SNCAIP: variants seen among roughly 807,000 people sequenced by gnomAD.
The protein encoded by SNCAIP is synuclein alpha interacting protein, also known as synphilin-1.
Under a neutral mutation model 86.7 loss-of-function variants are expected in SNCAIP, and 43 were observed. The ratio of observed to expected loss-of-function variants is 0.50; its 90% CI spans 0.39 to 0.64. The LOEUF (loss-of-function observed/expected upper bound fraction) is 0.64, where lower values mean the gene tolerates loss of function less well. Ranked by LOEUF, SNCAIP falls within the 30% of genes least tolerant of loss-of-function variation. The probability of loss-of-function intolerance (pLI) is 0.00; values close to 1 mark genes in which losing one functional copy is unlikely to be tolerated. For synonymous variants in SNCAIP, 417 were observed against 427.2 expected, an observed-to-expected ratio of 0.98 and a Z score of 0.29; for missense variants, 981 against 1,103.1, an observed-to-expected ratio of 0.89 and a Z score of 1.57.
rs1250584650 is a variant in SNCAIP, at chr5:122,452,859, C to T, written c.2754+1258C>T. On this transcript the variant is annotated intron_variant, in intron 10 of 10. Transcript: ENST00000261368. ...TATCTTCCTGCATGCTTCATGTTTA[C>T]TGGGACTTGTGCATGTGCTGAGCTT... 4.0e-6 allele frequency: 4 copies of T among 990,746 alleles called. No individual in the cohort carries two copies. In the Admixed American group the frequency reaches 8.0e-5, roughly 20 times the overall value. 61.4% of individuals were successfully genotyped at this position (990,746 alleles called of 1,614,324 possible).
In SNCAIP at chr5:122,366,487, C is replaced by T. The variant is rs370040985; in HGVS notation, c.-46-24602C>T. On this transcript the variant is annotated intron_variant, in intron 1 of 10. Transcript: ENST00000261368. ...AAAGGAGCCTAGGAAATATCATTTC[C>T]TGAGAGAATATATCTGAGAGTAAAT... Among the ~76,000 whole-genome samples, 5 of 152,270 alleles carry T rather than the reference C, an allele frequency of 3.3e-5. 1 individual carries two copies. The highest frequency in any genetic ancestry group is 1.3e-4 in the Admixed American group (2 of 15,292).
chr5:122,386,270 A>AT (rs1486994582), intron 1 of SNCAIP, among the ~76,000 whole-genome samples: 1 of 152,078 alleles, frequency 6.6e-6, no homozygotes, highest in Non-Finnish European at 1.5e-5. Context: ...CAAGGAGGCT[A>AT]TTTTTTTAAT....
chr5:122,434,143 G>A lies in SNCAIP; in HGVS notation c.1296+2061G>A, dbSNP rs79656806. Among the ~76,000 whole-genome samples, 1,197 of 152,216 alleles carry A rather than the reference G, an allele frequency of 7.9e-3. 15 individuals are homozygous for A. The highest frequency in any genetic ancestry group is 0.028 in the African/African-American group (1,150 of 41,522). On this transcript the variant is annotated intron_variant, in intron 6 of 10. Transcript: ENST00000261368. The stretch of plus-strand genomic sequence containing the variant: ...CACTGTTCATCTTCCTAATCATTTT[G>A]AGTCTAAAACAAAATTTTATTCAAT...
chr5:122,451,614 T>G lies in SNCAIP; in HGVS notation c.2754+13T>G, dbSNP rs1693318584. 1.3e-6 allele frequency: 2 copies of G among 1,532,834 alleles called. No individual in the cohort carries two copies. Among genetic ancestry groups the G allele is most frequent in the Non-Finnish European group, 1.8e-6 (2 of 1,106,268 alleles). The allele number at this position is 1,532,834 out of a possible 1,614,324, so 95.0% of individuals were successfully genotyped here. On this transcript the variant is annotated intron_variant, in intron 10 of 10. Coordinates refer to ENST00000261368, the MANE Select transcript of SNCAIP (RefSeq NM_005460.4). ...AAAGAATAAGGCAGTAAGTGCTATT[T>G]GGAGAATATTCTTTTTTTTCCTTCA...
In SNCAIP at chr5:122,406,103, G is replaced by C. The variant is rs560952742; in HGVS notation, c.130+2238G>C. 3.3e-5 allele frequency among the ~76,000 whole-genome samples: 5 copies of C among 152,256 alleles called. No individual in the cohort carries two copies. The East Asian group carries it at 7.7e-4, about 24-fold the overall frequency. On this transcript the variant is annotated intron_variant, in intron 3 of 10. Coordinates refer to ENST00000261368, the MANE Select transcript of SNCAIP (RefSeq NM_005460.4). ...TAGATTGAGAGTGATCCTAGAAAAA[G>C]GAACCCACGGAAAAATGTGTCTGCC...
intron 2 of SNCAIP, chr5:122,401,061 G>T (rs1771710653): frequency 6.5e-7 from 1 of 1,550,158 alleles, no homozygotes; most frequent in East Asian, 2.4e-5. Context: ...AATGGGCTTT[G>T]GTTCCCATAG....
intron 1 of SNCAIP, among the ~76,000 whole-genome samples, chr5:122,319,238 AAAAC>A (rs1264706085): frequency 4.6e-5 from 7 of 152,246 alleles, no homozygotes; most frequent in Admixed American, 4.6e-4. Context: ...TATAAAAAAA[AAAAC>A]TATGGAAAAA....
At chr5:122,374,345 C>A (rs376133687) in intron 1 of SNCAIP, among the ~76,000 whole-genome samples, 3 of 152,174 alleles carry the variant, frequency 2.0e-5, no homozygotes, top group African/African-American at 7.2e-5. Flanking sequence ...ACAGCCATCT[C>A]TTCAAGCTTC....
At position 122,343,628 on chromosome 5, in the gene SNCAIP, C is replaced by T. The variant is rs565506179; in HGVS notation, c.-47+31344C>T. On this transcript the variant is annotated intron_variant, in intron 1 of 10. Coordinates refer to ENST00000261368, the MANE Select transcript of SNCAIP (RefSeq NM_005460.4). ...TTTTCTCTGAGGGTTTTAGAAAAGC[C>T]GGTTATATACCTCAATCGCTATGGC... Among the ~76,000 whole-genome samples, 29 of 152,294 alleles carry T rather than the reference C, an allele frequency of 1.9e-4. No individual in the cohort carries two copies. The East Asian group carries it at 4.8e-3, about 25-fold the overall frequency.
At chr5:122,403,697 A>G (rs1772333884) in intron 2 of SNCAIP, 96 bp from the exon 3 acceptor site, 1 of 957,804 alleles carries the variant, frequency 1.0e-6, no homozygotes, top group Admixed American at 1.7e-5. Context: ...GTTGTGCCCA[A>G]GTATCACTTA....
chr5:122,345,845 G>A (rs1484269615), intron 1 of SNCAIP, among the ~76,000 whole-genome samples: 1 of 151,820 alleles, frequency 6.6e-6, no homozygotes, highest in Admixed American at 6.6e-5. Flanking sequence ...AAGAGATAGG[G>A]TCTCGCTTTG....
intron 1 of SNCAIP, among the ~76,000 whole-genome samples, chr5:122,331,808 A>G (rs1755401945): frequency 6.6e-6 from 1 of 152,196 alleles, no homozygotes; most frequent in African/African-American, 2.4e-5. Flanking sequence ...CTAACTTAAC[A>G]TGTCATGTTT....
chr5:122,391,781 C>A (rs918979561), intron 2 of SNCAIP, among the ~76,000 whole-genome samples: 1 of 152,148 alleles, frequency 6.6e-6, no homozygotes, highest in Non-Finnish European at 1.5e-5. Flanking sequence ...CCATAACAGC[C>A]ACAAACTTCC....
chr5:122,461,624 C>T lies in SNCAIP; in HGVS notation c.2755-1867C>T, dbSNP rs116810480. Among the ~76,000 whole-genome samples the T allele has an allele frequency of 2.0e-3, 300 of 150,566 alleles. 1 individual carries two copies. Among genetic ancestry groups the T allele is most frequent in the Middle Eastern group, 7.0e-3 (2 of 284 alleles). On this transcript the variant is annotated intron_variant, in intron 10 of 10. Coordinates refer to ENST00000261368, the MANE Select transcript of SNCAIP (RefSeq NM_005460.4). The stretch of plus-strand genomic sequence containing the variant: ...ATTTCTGTTATAATAATATTAATTT[C>T]CAACATCACTTTACTGGTCTTCTCT...
intron 10 of SNCAIP, among the ~76,000 whole-genome samples, chr5:122,458,897 C>T (rs1785438359): frequency 6.6e-6 from 1 of 152,108 alleles, no homozygotes; most frequent in South Asian, 2.1e-4. Flanking sequence ...CGTGTACTCC[C>T]AGTGTCTTGC....
chr5:122,418,715 T>C (rs1775789901), intron 3 of SNCAIP, among the ~76,000 whole-genome samples: 1 of 152,212 alleles, frequency 6.6e-6, no homozygotes, highest in African/African-American at 2.4e-5. Flanking sequence ...AATAGCATTC[T>C]CACTCTGTAA....
At chr5:122,347,846 T>C (rs1388938414) in intron 1 of SNCAIP, among the ~76,000 whole-genome samples, 2 of 152,136 alleles carry the variant, frequency 1.3e-5, no homozygotes, top group Non-Finnish European at 2.9e-5. Flanking sequence ...CAAAGTTGAA[T>C]TTGGGAAACA....
chr5:122,431,563 G>A (rs1229942678), intron 5 of SNCAIP, among the ~76,000 whole-genome samples: 1 of 152,066 alleles, frequency 6.6e-6, no homozygotes, highest in African/African-American at 2.4e-5. Context: ...TGAGAGGAGG[G>A]TGAGAACCAA....
At chr5:122,418,333 A>T (rs1326290355) in intron 3 of SNCAIP, among the ~76,000 whole-genome samples, 1 of 152,216 alleles carries the variant, frequency 6.6e-6, no homozygotes, top group African/African-American at 2.4e-5. Context: ...AACATGTGTT[A>T]TATCCCAAGT....
Sources: allele counts gnomAD v4.1 joint callset (sites outside exome capture counted in the v4.1 genomes callset), GRCh38; gene constraint gnomAD v4.1.1; transcripts MANE v1.5; gene names NCBI Gene and HGNC (gene_info 2026-07-23, HGNC 2026-07-21).